The following FLT3 variants were observed in gnomAD, a reference collection of about 807,000 sequenced individuals.
The protein encoded by FLT3 is receptor-type tyrosine-protein kinase FLT3.
In FLT3, 46 loss-of-function variants were observed where a neutral mutation model predicts 126.6. The ratio of observed to expected loss-of-function variants is 0.36; its 90% CI spans 0.29 to 0.46. FLT3 has a LOEUF of 0.46. FLT3 is among the 20% of genes least tolerant of loss of function. The pLI is 1.00. For missense variants in FLT3, 1,069 were observed against 1,190.3 expected, an observed-to-expected ratio of 0.90 and a Z score of 1.50; for synonymous variants, 404 against 434.4, an observed-to-expected ratio of 0.93 and a Z score of 0.87.
In FLT3 at chr13:28,094,649, G is replaced by A. The variant is rs186563078; in HGVS notation, c.43+5819C>T. Among the ~76,000 whole-genome samples the A allele has an allele frequency of 4.8e-3, 727 of 152,188 alleles. 2 individuals carry two copies. Among genetic ancestry groups the A allele is most frequent in the Non-Finnish European group, 6.4e-3 (433 of 68,004 alleles). The stretch of plus-strand genomic sequence containing the variant: ...TGAGTAGCTGAGGCTACAGGCATGT[G>A]CCTCTACGCTCAGTTAATTTTTAAA... On this transcript the variant is annotated intron_variant, in intron 1 of 23. Transcript: ENST00000241453.
At chr13:28,077,978 G>A (rs1257538684) in intron 1 of FLT3, among the ~76,000 whole-genome samples, 1 of 152,198 alleles carries the variant, frequency 6.6e-6, no homozygotes, top group African/African-American at 2.4e-5. Context: ...CTCACATCCA[G>A]GGCATGCTGA....
In FLT3 at chr13:28,023,378, T is replaced by G; in HGVS notation, c.2390A>C (p.Lys797Thr). The G allele has an allele frequency of 6.2e-7, 1 of 1,613,886 alleles. No homozygotes were observed. The highest frequency in any genetic ancestry group is 2.2e-5 in the East Asian group (1 of 44,876). The change falls in exon 19 of 24, where the codon AAA (lysine) becomes ACA (threonine). Residue 797 changes from lysine (K) to threonine (T), a missense_variant. Physicochemically the swap from Lys to Thr is moderately conservative, Grantham distance 78 (BLOSUM62 -1). Transcript: ENST00000241453. Reference protein sequence around the residue: ...DLLCFAYQVAKGMEFLEFKSC... With the variant: ...DLLCFAYQVATGMEFLEFKSC... ...CTTAAATTCCAGAAATTCCATTCCT[T>G]TGGCAACTTGATATGCAAAGCAAAG...
chr13:28,084,923 C>T (rs1332470777), intron 1 of FLT3, among the ~76,000 whole-genome samples: 2 of 148,124 alleles, frequency 1.4e-5, no homozygotes, highest in Admixed American at 6.8e-5. Flanking sequence ...TGCAGTGAGC[C>T]GAGATCGCAC....
intron 1 of FLT3, among the ~76,000 whole-genome samples, chr13:28,090,184 G>A (rs1051259042): frequency 3.3e-5 from 5 of 151,602 alleles, no homozygotes; most frequent in African/African-American, 1.2e-4. Flanking sequence ...GGGATTACAG[G>A]CGTGCATCAC....
At chr13:28,067,248 C>T (rs549806564) in intron 2 of FLT3, among the ~76,000 whole-genome samples, 1 of 152,340 alleles carries the variant, frequency 6.6e-6, no homozygotes, top group Admixed American at 6.5e-5. Context: ...GTCTCGAACT[C>T]CCAACCTCAG....
At position 28,061,945 on chromosome 13, in the gene FLT3, G is replaced by T; in HGVS notation, c.290C>A (p.Ala97Asp). ...CCAGAGACAGGAAATGTTCCCTGGG[G>T]CGTCGACCAGCACTTGCAGTGTGAT... ...ASITLQVLVDAPGNISCLWVF... is the reference protein window; with the variant it reads ...ASITLQVLVDDPGNISCLWVF... The change falls in exon 3 of 24, where the codon GCC (alanine) becomes GAC (aspartate). Residue 97 changes from alanine (A) to aspartate (D), a missense_variant. Physicochemically the swap from Ala to Asp is moderately radical, Grantham distance 126. Coordinates refer to ENST00000241453, the MANE Select transcript of FLT3 (RefSeq NM_004119.3). 1.9e-6 allele frequency: 3 copies of T among 1,613,722 alleles called. No homozygotes were observed. Among genetic ancestry groups the T allele is most frequent in the Non-Finnish European group, 2.5e-6 (3 of 1,179,706 alleles).
chr13:28,016,303 T>A lies in FLT3; in HGVS notation c.2542-602A>T, dbSNP rs540207207. ...TTTTTTTTTTGAGACGGAGTTTCGC[T>A]CTTGTTGCCCAGGCTGGAGTGCAAT... On this transcript the variant is annotated intron_variant, in intron 20 of 23. Transcript: ENST00000241453. Among the ~76,000 whole-genome samples the A allele has an allele frequency of 8.6e-5, 13 of 151,836 alleles. No individual in the cohort carries two copies. In the South Asian group the frequency reaches 2.5e-3, roughly 29 times the overall value.
intron 15 of FLT3, among the ~76,000 whole-genome samples, chr13:28,030,784 T>C (rs563487089): frequency 1.3e-5 from 2 of 152,192 alleles, no homozygotes; most frequent in Admixed American, 1.3e-4. Context: ...GGTGCCTGCA[T>C]GTAGTTCCAG....
chr13:28,096,198 T>A (rs1001761693), intron 1 of FLT3, among the ~76,000 whole-genome samples: 5 of 151,900 alleles, frequency 3.3e-5, no homozygotes, highest in Middle Eastern at 3.4e-3. Context: ...CTACAAAAAA[T>A]ACAAAAATTA....
intron 23 of FLT3, chr13:28,009,269 A>C (rs1419195028): frequency 6.6e-6 from 1 of 152,270 alleles, no homozygotes; most frequent in Admixed American, 6.5e-5. Context: ...TTACGTTTCT[A>C]TCTCACCCAT....
At chr13:28,014,385 C>T (rs1283293303) in intron 23 of FLT3, 67 bp downstream of exon 23, 1 of 1,157,672 alleles carries the variant, frequency 8.6e-7, no homozygotes, top group Non-Finnish European at 1.3e-6. Flanking sequence ...CACAGGAAGA[C>T]AGCAACAAGT....
At chr13:28,092,813 C>T (rs184806175) in intron 1 of FLT3, among the ~76,000 whole-genome samples, 16 of 149,052 alleles carry the variant, frequency 1.1e-4, no homozygotes, top group Admixed American at 3.4e-4. Flanking sequence ...ATCTGAAGGT[C>T]GCAATTAACT....
intron 10 of FLT3, 99 bp downstream of exon 10, chr13:28,037,085 AG>A: frequency 1.4e-6 from 1 of 700,156 alleles, no homozygotes; most frequent in South Asian, 1.7e-5. Flanking sequence ...ACAGTTTTGT[AG>A]TAGCCCTTCT....
At chr13:28,009,732 C>T (rs56079720) in intron 23 of FLT3, among the ~76,000 whole-genome samples, 50,139 of 151,778 alleles carry the variant, frequency 0.33, 8,898 homozygotes, top group African/African-American at 0.47. Flanking sequence ...GGCTAATTTT[C>T]AAATTTTTTT....
chr13:28,062,159 A>G (rs765466337), intron 2 of FLT3, 90 bp from the exon 3 acceptor site: 9 of 940,242 alleles, frequency 9.6e-6, no homozygotes, highest in Non-Finnish European at 1.5e-5. Flanking sequence ...AAACATATGC[A>G]TGCTGACACA....
At chr13:28,038,414 G>A (rs1399270407) in intron 9 of FLT3, among the ~76,000 whole-genome samples, 5 of 151,196 alleles carry the variant, frequency 3.3e-5, no homozygotes, top group Admixed American at 2.6e-4. Flanking sequence ...GGCTTGTACC[G>A]AAGATATCTA....
At chr13:28,095,295 G>C (rs1194942063) in intron 1 of FLT3, among the ~76,000 whole-genome samples, 1 of 149,908 alleles carries the variant, frequency 6.7e-6, no homozygotes, top group Non-Finnish European at 1.5e-5. Flanking sequence ...TTTTTTTTTT[G>C]AGAAGGAGTC....
chr13:28,095,154 C>A (rs1048257130), intron 1 of FLT3, among the ~76,000 whole-genome samples: 2 of 152,044 alleles, frequency 1.3e-5, no homozygotes, highest in Non-Finnish European at 2.9e-5. Context: ...AACAAAAAAC[C>A]AAAAAGCTCT....
chr13:28,043,032 T>C (rs1018993754), intron 9 of FLT3, among the ~76,000 whole-genome samples: 2 of 152,038 alleles, frequency 1.3e-5, no homozygotes, highest in African/African-American at 4.8e-5. Context: ...CACAGCTGTT[T>C]ACCCCGTAAG....
Sources: gnomAD v4.1 joint callset for allele counts (sites outside exome capture counted in the v4.1 genomes callset) on GRCh38, gnomAD v4.1.1 for gene constraint, MANE v1.5 for transcripts, NCBI Gene and HGNC (gene_info 2026-07-23, HGNC 2026-07-21) for gene names.